ZNF385D: variants seen among roughly 807,000 people sequenced by gnomAD.
ZNF385D encodes zinc finger protein 385D, also known as zinc finger protein 659.
ZNF385D carries 15 observed loss-of-function variants against 35.8 expected under a neutral mutation model. The ratio of observed to expected loss-of-function variants is 0.42; its 90% confidence interval spans 0.28 to 0.64. The LOEUF is 0.64. Among genes scored for constraint, ZNF385D ranks in the 30% least tolerant of loss-of-function variants. The pLI is 0.23. For synonymous variants in ZNF385D, 212 were observed against 186.8 expected, an observed-to-expected ratio of 1.13 and a Z score of -1.10; for missense variants, 474 against 494.6, an observed-to-expected ratio of 0.96 and a Z score of 0.39.
intron 3 of ZNF385D, among the ~76,000 whole-genome samples, chr3:21,862,163 A>G (rs1461754090): frequency 6.6e-6 from 1 of 152,134 alleles, no homozygotes; most frequent in Non-Finnish European, 1.5e-5. Context: ...TATTGATATC[A>G]AATTCTTTTG....
intron 3 of ZNF385D, among the ~76,000 whole-genome samples, chr3:22,035,671 C>A (rs780970625): frequency 6.6e-6 from 1 of 152,118 alleles, no homozygotes; most frequent in Non-Finnish European, 1.5e-5. Flanking sequence ...GAAACCCCCA[C>A]CTAATCAGCA....
At chr3:21,464,590 C>G (rs1319905448) in intron 4 of ZNF385D, among the ~76,000 whole-genome samples, 1 of 152,080 alleles carries the variant, frequency 6.6e-6, no homozygotes, top group African/African-American at 2.4e-5. Flanking sequence ...AGATTACGCT[C>G]TAGAATTGCA....
At chr3:21,963,282 T>C (rs533135497) in intron 3 of ZNF385D, among the ~76,000 whole-genome samples, 113 of 152,262 alleles carry the variant, frequency 7.4e-4, no homozygotes, top group Non-Finnish European at 1.3e-3. Flanking sequence ...ATTGGGTCTA[T>C]GTGAGGGTGT....
At position 22,095,739 on chromosome 3, in the gene ZNF385D, G is replaced by C. The variant is rs79044472; in HGVS notation, c.325+73078C>G. ...AGTATTCTTTATTTTCTTTCCTTCT[G>C]AGATAATTTCATTATGTGGCATCAG... On this transcript the variant is annotated intron_variant, in intron 3 of 5. Coordinates refer to the ZNF385D transcript ENST00000494108. Among the ~76,000 whole-genome samples, 153 of 151,762 alleles carry C rather than the reference G, an allele frequency of 1.0e-3. No homozygotes were observed. The East Asian group carries it at 0.028, about 27-fold the overall frequency.
chr3:22,093,281 G>C (rs183950767), intron 3 of ZNF385D, among the ~76,000 whole-genome samples: 117 of 152,090 alleles, frequency 7.7e-4, no homozygotes, highest in African/African-American at 2.7e-3. Context: ...AAAACTTTTA[G>C]AAGGTATAGG....
intron 1 of ZNF385D, among the ~76,000 whole-genome samples, chr3:21,704,490 ATTAT>A (rs1386379135): frequency 2.6e-5 from 4 of 151,444 alleles, no homozygotes; most frequent in South Asian, 2.1e-4. Flanking sequence ...AAAATCTGAT[ATTAT>A]TTATTTTATT....
chr3:21,816,848 T>C (rs549198895), intron 3 of ZNF385D, among the ~76,000 whole-genome samples: 2 of 152,236 alleles, frequency 1.3e-5, no homozygotes, highest in African/African-American at 4.8e-5. Context: ...AAAGTGCATA[T>C]GGAGCAAAAA....
chr3:21,488,249 C>T (rs73133034), intron 4 of ZNF385D, among the ~76,000 whole-genome samples: 4,201 of 151,700 alleles, frequency 0.028, 189 homozygotes, highest in African/African-American at 0.095. Context: ...TCTAATCTTG[C>T]AGTAAAGGCA....
At chr3:21,570,193 T>G (rs1187860509) in intron 2 of ZNF385D, among the ~76,000 whole-genome samples, 1 of 152,154 alleles carries the variant, frequency 6.6e-6, no homozygotes, top group Non-Finnish European at 1.5e-5. Flanking sequence ...AAAATTCAAT[T>G]TCAAACTCAG....
At chr3:22,258,615 T>C (rs1700440083) in intron 2 of ZNF385D, among the ~76,000 whole-genome samples, 1 of 151,694 alleles carries the variant, frequency 6.6e-6, no homozygotes, top group Admixed American at 6.6e-5. Flanking sequence ...TTTCAAACTT[T>C]TTGGTCTCAG....
intron 2 of ZNF385D, among the ~76,000 whole-genome samples, chr3:22,365,725 TGATA>T (rs1262798060): frequency 2.0e-5 from 3 of 152,076 alleles, no homozygotes; most frequent in Admixed American, 6.5e-5. Flanking sequence ...ACATAGTGTT[TGATA>T]TAGTTTCTTT....
intron 3 of ZNF385D, among the ~76,000 whole-genome samples, chr3:22,069,584 G>A (rs2125559514): frequency 6.6e-6 from 1 of 152,262 alleles, no homozygotes; most frequent in East Asian, 1.9e-4. Context: ...GTATATCTGT[G>A]TTTTAGAATG....
chr3:21,546,408 C>G (rs925937781), intron 3 of ZNF385D, among the ~76,000 whole-genome samples: 2 of 152,168 alleles, frequency 1.3e-5, no homozygotes, highest in African/African-American at 4.8e-5. Context: ...AAGCCAAGCA[C>G]CATTCACCCA....
At chr3:22,074,483 A>G (rs766186714) in intron 3 of ZNF385D, among the ~76,000 whole-genome samples, 1 of 151,928 alleles carries the variant, frequency 6.6e-6, no homozygotes, top group Non-Finnish European at 1.5e-5. Flanking sequence ...TTGAACATGA[A>G]TCTTGCATAT....
At chr3:21,423,031 GAGA>G (rs1410430475) in intron 7 of ZNF385D, among the ~76,000 whole-genome samples, 12 of 152,154 alleles carry the variant, frequency 7.9e-5, no homozygotes, top group Non-Finnish European at 1.5e-5. Context: ...CACATAAGAA[GAGA>G]AGAAGTCAAA....
intron 2 of ZNF385D, among the ~76,000 whole-genome samples, chr3:22,294,814 A>G (rs1702482586): frequency 6.6e-6 from 1 of 152,180 alleles, no homozygotes; most frequent in Admixed American, 6.6e-5. Context: ...TATATTTTGC[A>G]TTTTATAACA....
chr3:22,298,709 C>CA (rs1168651321), intron 2 of ZNF385D, among the ~76,000 whole-genome samples: 2,858 of 134,340 alleles, frequency 0.021, 52 homozygotes, highest in African/African-American at 0.051. Context: ...CAACAAAAAC[C>CA]AAAAAAAAAA....
intron 3 of ZNF385D, among the ~76,000 whole-genome samples, chr3:22,062,498 G>C (rs748990883): frequency 2.6e-5 from 4 of 152,204 alleles, no homozygotes; most frequent in African/African-American, 9.6e-5. Context: ...CAGCAATCAT[G>C]AAAGTTGTTT....
At chr3:21,599,257 C>G (rs552413273) in intron 2 of ZNF385D, among the ~76,000 whole-genome samples, 2 of 152,078 alleles carry the variant, frequency 1.3e-5, no homozygotes, top group Non-Finnish European at 2.9e-5. Flanking sequence ...AAAAGGATTC[C>G]AGAAAGATCT....
Sources: gnomAD v4.1 joint callset for allele counts (sites outside exome capture counted in the v4.1 genomes callset) on GRCh38, gnomAD v4.1.1 for gene constraint, MANE v1.5 for transcripts, NCBI Gene and HGNC (gene_info 2026-07-23, HGNC 2026-07-21) for gene names.